NIN: variants seen among roughly 807,000 people sequenced by gnomAD.
The protein encoded by NIN is ninein.
Under a neutral mutation model 257.6 loss-of-function variants are expected in NIN, and 137 were observed. The observed-to-expected ratio is 0.53, with a 90% CI of 0.46 to 0.61. NIN has a LOEUF of 0.61. Ranked by LOEUF, NIN falls within the 20% of genes least tolerant of loss-of-function variation. The pLI, the probability that NIN is intolerant of heterozygous loss-of-function variation, is 0.00. For missense variants in NIN, 2,439 were observed against 2,501.2 expected (o/e 0.98, Z 0.53); for synonymous variants, 918 against 919.8 (o/e 1.00, Z 0.04).
intron 3 of NIN, among the ~76,000 whole-genome samples, chr14:50,808,855 G>A (rs1297471251): frequency 6.6e-6 from 1 of 152,226 alleles, no homozygotes; most frequent in Non-Finnish European, 1.5e-5. Flanking sequence ...TAGATGCCCA[G>A]CAAGTGGTAG....
At chr14:50,733,719 C>T (rs1322635507) in intron 28 of NIN, among the ~76,000 whole-genome samples, 1 of 152,182 alleles carries the variant, frequency 6.6e-6, no homozygotes, top group Non-Finnish European at 1.5e-5. Context: ...TGATACTAGA[C>T]ATATGGGCTT....
intron 28 of NIN, 108 bp from the exon 29 acceptor site, chr14:50,729,831 C>T: frequency 1.3e-6 from 1 of 792,650 alleles, no homozygotes; most frequent in Non-Finnish European, 1.9e-6. Context: ...ATTAATAACC[C>T]CAGACCCACT....
intron 5 of NIN, among the ~76,000 whole-genome samples, chr14:50,786,265 T>C (rs1289369816): frequency 6.6e-6 from 1 of 152,200 alleles, no homozygotes; most frequent in African/African-American, 2.4e-5. Context: ...TACTTTTCTG[T>C]TGGAAAATAT....
chr14:50,761,603 T>C (rs538625338), intron 16 of NIN, among the ~76,000 whole-genome samples, 187 bp downstream of exon 16: 16 of 152,292 alleles, frequency 1.1e-4, no homozygotes, highest in African/African-American at 3.4e-4. Flanking sequence ...GCTGAAGATA[T>C]TACATTTTGG....
At chr14:50,791,655 T>C (rs1371221343) in intron 5 of NIN, among the ~76,000 whole-genome samples, 1 of 152,188 alleles carries the variant, frequency 6.6e-6, no homozygotes. Flanking sequence ...ACTTGGGCTC[T>C]TTTTTGTTAT....
At chr14:50,796,792 C>T (rs1273660827) in intron 4 of NIN, among the ~76,000 whole-genome samples, 2 of 152,136 alleles carry the variant, frequency 1.3e-5, no homozygotes, top group African/African-American at 4.8e-5. Flanking sequence ...GAAACACAGC[C>T]TCCCCTACTC....
intron 5 of NIN, among the ~76,000 whole-genome samples, chr14:50,779,702 A>G (rs7148022): frequency 0.82 from 124,357 of 151,362 alleles, 51,336 homozygotes; most frequent in African/African-American, 0.89. Context: ...AGCTTGCAGT[A>G]AGCCGAGATC....
chr14:50,811,220 T>C (rs528590673), intron 3 of NIN, among the ~76,000 whole-genome samples: 72 of 151,772 alleles, frequency 4.7e-4, no homozygotes, highest in Middle Eastern at 3.4e-3. Context: ...GCAATTCTCC[T>C]GCCTCAGCCT....
intron 21 of NIN, among the ~76,000 whole-genome samples, chr14:50,750,855 G>A (rs1209184355): frequency 6.6e-6 from 1 of 152,132 alleles, no homozygotes; most frequent in African/African-American, 2.4e-5. Flanking sequence ...AAGTGTCATT[G>A]TTCTTCCTCG....
intron 9 of NIN, 111 bp downstream of exon 9, chr14:50,772,190 C>T (rs2042763203): frequency 5.0e-6 from 5 of 1,001,938 alleles, no homozygotes; most frequent in Non-Finnish European, 5.8e-6. Context: ...ACTTTGTGAA[C>T]AGAAGTACCA....
chr14:50,740,240 G>A (rs2140479948), intron 25 of NIN, among the ~76,000 whole-genome samples: 1 of 151,084 alleles, frequency 6.6e-6, no homozygotes, highest in African/African-American at 2.4e-5. Flanking sequence ...AGGCTGAAGT[G>A]CAGTGGCACG....
intron 22 of NIN, among the ~76,000 whole-genome samples, chr14:50,744,871 C>A (rs1595747902): frequency 6.6e-6 from 1 of 152,052 alleles, no homozygotes; most frequent in Non-Finnish European, 1.5e-5. Context: ...GAGGCAGAGG[C>A]TGCAGTGAGC....
intron 5 of NIN, among the ~76,000 whole-genome samples, chr14:50,785,601 C>G (rs2043313016): frequency 6.6e-6 from 1 of 152,200 alleles, no homozygotes; most frequent in Non-Finnish European, 1.5e-5. Context: ...TTTAGAAGAG[C>G]AGCACATGTA....
intron 5 of NIN, among the ~76,000 whole-genome samples, chr14:50,788,044 A>G (rs1296594783): frequency 6.6e-6 from 1 of 152,226 alleles, no homozygotes; most frequent in Non-Finnish European, 1.5e-5. Context: ...TTAAAAAAAA[A>G]AGTCTATCCT....
intron 29 of NIN, 27 bp from the exon 30 acceptor site, chr14:50,726,093 G>A (rs767663346): frequency 2.7e-5 from 41 of 1,546,758 alleles, no homozygotes; most frequent in Non-Finnish European, 3.6e-5. Context: ...TATATTATTC[G>A]AAAATCATGT....
chr14:50,806,282 G>A (rs887314251), intron 4 of NIN: 1 of 152,524 alleles, frequency 6.6e-6, no homozygotes, highest in Non-Finnish European at 1.5e-5. Flanking sequence ...TATCACTTGA[G>A]AGGAGGAGAC....
intron 14 of NIN, among the ~76,000 whole-genome samples, chr14:50,765,841 A>ATTT (rs1354361634): frequency 3.1e-5 from 2 of 63,716 alleles, no homozygotes; most frequent in Non-Finnish European, 7.4e-5. Context: ...GCTAACATTT[A>ATTT]TGTTTTTTTT....
At chr14:50,772,255 C>T (rs1432256162) in intron 9 of NIN, 46 bp downstream of exon 9, 5 of 1,508,892 alleles carry the variant, frequency 3.3e-6, no homozygotes, top group Non-Finnish European at 4.5e-6. Context: ...TGAAAATTTT[C>T]AACCCTTCTC....
chr14:50,758,825 A>G (rs925943981), intron 17 of NIN, among the ~76,000 whole-genome samples, 195 bp from the exon 18 acceptor site: 1 of 152,244 alleles, frequency 6.6e-6, no homozygotes, highest in African/African-American at 2.4e-5. Flanking sequence ...ACTGGCAGCC[A>G]TAATTCATTT....
Sources: allele counts gnomAD v4.1 joint callset (sites outside exome capture counted in the v4.1 genomes callset), GRCh38; gene constraint gnomAD v4.1.1; transcripts MANE v1.5; gene names NCBI Gene and HGNC (gene_info 2026-07-23, HGNC 2026-07-21).